IL1R2: variants seen among roughly 807,000 people sequenced by gnomAD.
IL1R2 encodes interleukin-1 receptor type 2.
A neutral mutation model predicts 39.5 loss-of-function variants in IL1R2; 46 were observed. The ratio of observed to expected loss-of-function variants is 1.16; its 90% CI spans 0.92 to 1.49. The LOEUF is 1.49. Ranked by LOEUF, IL1R2 falls within the 40% of genes most tolerant of loss-of-function variation. The pLI, the probability that IL1R2 is intolerant of heterozygous loss-of-function variation, is 0.00. For missense variants in IL1R2, 537 were observed against 502.0 expected (o/e 1.07, Z -0.67); for synonymous variants, 207 against 189.6 (o/e 1.09, Z -0.75).
intron 6 of IL1R2, among the ~76,000 whole-genome samples, chr2:102,023,976 G>C (rs1032724650): frequency 6.6e-6 from 1 of 151,996 alleles, no homozygotes; most frequent in African/African-American, 2.4e-5. Context: ...GTGAACCGGG[G>C]AGGCGGAGCT....
intron 1 of IL1R2, among the ~76,000 whole-genome samples, chr2:102,001,481 C>T (rs898172642): frequency 6.6e-6 from 1 of 152,226 alleles, no homozygotes; most frequent in African/African-American, 2.4e-5. Flanking sequence ...TCCAGGACAT[C>T]GCCAGCTATC....
At chr2:101,992,864 CG>C (rs1675415082) in intron 1 of IL1R2, among the ~76,000 whole-genome samples, 1 of 152,180 alleles carries the variant, frequency 6.6e-6, no homozygotes, top group Non-Finnish European at 1.5e-5. Flanking sequence ...GAACCTGATC[CG>C]GGTGACCTTC....
chr2:102,004,278 G>A (rs561313769), intron 1 of IL1R2, among the ~76,000 whole-genome samples: 2 of 152,184 alleles, frequency 1.3e-5, no homozygotes, highest in Admixed American at 6.5e-5. Context: ...GCAGACACCT[G>A]GGAATCAAAG....
intron 3 of IL1R2, 86 bp downstream of exon 3, chr2:102,009,912 A>G: frequency 6.9e-7 from 1 of 1,454,792 alleles, no homozygotes. Context: ...GGATCTCAGA[A>G]TCCAGTGTAC....
chr2:102,003,743 G>A (rs971860846), intron 1 of IL1R2, among the ~76,000 whole-genome samples: 3 of 145,242 alleles, frequency 2.1e-5, no homozygotes, highest in Non-Finnish European at 4.6e-5. Context: ...GTCCCATGTC[G>A]GTGTCTGTGT....
chr2:102,022,970 A>G (rs939599549), intron 6 of IL1R2, among the ~76,000 whole-genome samples: 1 of 152,188 alleles, frequency 6.6e-6, no homozygotes, highest in Non-Finnish European at 1.5e-5. Context: ...TCCAAAAGGA[A>G]AAAGCCACCC....
At chr2:101,995,590 T>C (rs563602236) in intron 1 of IL1R2, among the ~76,000 whole-genome samples, 1 of 152,330 alleles carries the variant, frequency 6.6e-6, no homozygotes, top group Admixed American at 6.5e-5. Flanking sequence ...GCTGAGTCTG[T>C]GCTGGTGTGT....
chr2:102,001,845 A>G (rs1425941495), intron 1 of IL1R2: 1 of 152,202 alleles, frequency 6.6e-6, no homozygotes, highest in Non-Finnish European at 1.5e-5. Flanking sequence ...GACATGCGTA[A>G]AACATGTTCG....
chr2:101,996,485 GTTTTTTTTT>G (rs11382814), intron 1 of IL1R2, among the ~76,000 whole-genome samples: 66 of 82,420 alleles, frequency 8.0e-4, no homozygotes, highest in Non-Finnish European at 1.2e-3. Flanking sequence ...TGTTTTCAGT[GTTTTTTTTT>G]TTTTTTTTTT....
rs554382459 is a variant in IL1R2 at position 102,026,253 on chromosome 2, G to T, written c.1030G>T (p.Ala344Ser). The change falls in exon 8 of 9, where the codon GCC (alanine) becomes TCC (serine). Residue 344 changes from alanine (A) to serine (S), a missense_variant and splice_region_variant. Transcript: ENST00000332549. ...GACACTACGCACCACAGTCAAGGAA[G>T]GTATGTATGTATTTTGGGGAGCACT... The part of the protein sequence containing the change: ...FQTLRTTVKE[A>S]SSTFSWGIVL... 43 of 1,605,760 alleles carry T rather than the reference G, an allele frequency of 2.7e-5. No individual in the cohort carries two copies. In the East Asian group the frequency reaches 6.3e-4, roughly 23 times the overall value.
intron 3 of IL1R2, among the ~76,000 whole-genome samples, chr2:102,011,966 A>C (rs945677646): frequency 2.6e-5 from 4 of 152,172 alleles, no homozygotes; most frequent in African/African-American, 9.7e-5. Context: ...GCATGTGGAT[A>C]TCCATTTTCT....
chr2:102,011,103 G>A (rs542035603), intron 3 of IL1R2, among the ~76,000 whole-genome samples: 24 of 152,272 alleles, frequency 1.6e-4, no homozygotes, highest in African/African-American at 5.1e-4. Flanking sequence ...TTATTATTCC[G>A]TTTTATGTAT....
In IL1R2 at chr2:102,008,637, A is replaced by C. The variant is rs749799156; in HGVS notation, c.62A>C (p.His21Pro). Residue 21 changes from histidine (H) to proline (P), a missense_variant, in exon 2 of 9, where the codon CAC becomes CCC. His to Pro is a moderately conservative substitution (Grantham distance 77). Transcript: ENST00000332549. The stretch of plus-strand genomic sequence containing the variant: ...GCCTTCACCCTTCAGCCTGCGGCAC[A>C]CACAGGTTAGAAGTAAACCTTTCAG... ...VSAFTLQPAAHTGAARSCRFR... is the reference protein window; with the variant it reads ...VSAFTLQPAAPTGAARSCRFR... 3 of 1,613,708 alleles carry C rather than the reference A, an allele frequency of 1.9e-6. No homozygotes were observed. The highest frequency in any genetic ancestry group is 1.3e-5 in the African/African-American group (1 of 74,900).
rs148749270 is a variant in IL1R2, at chr2:102,019,888, T to A, written c.688+76T>A. ...TGCAGAGAACAAATGACGGTGCACG[T>A]AGAATTCCTTGCAGGTCTTTGGAAT... On this transcript the variant is annotated intron_variant, in intron 5 of 8. Coordinates refer to ENST00000332549, the MANE Select transcript of IL1R2 (RefSeq NM_004633.4). 4.0e-6 allele frequency: 5 copies of A among 1,250,254 alleles called. No individual in the cohort carries two copies. In the Admixed American group the frequency reaches 6.8e-5, roughly 17 times the overall value. 77.4% of individuals were successfully genotyped at this position (1,250,254 alleles called of 1,614,324 possible).
intron 1 of IL1R2, among the ~76,000 whole-genome samples, chr2:101,996,978 AT>A (rs1421465752): frequency 2.6e-5 from 4 of 151,794 alleles, no homozygotes; most frequent in African/African-American, 9.7e-5. Flanking sequence ...TCTTGCTTTC[AT>A]TTTGTTTCTT....
At position 102,009,685 on chromosome 2, in the gene IL1R2, G is replaced by A. The variant is rs753245222; in HGVS notation, c.191G>A (p.Arg64His). The change falls in exon 3 of 9, where the codon CGC becomes CAC. Residue 64 changes from arginine (R) to histidine (H), a missense_variant. Arg to His is a conservative substitution (Grantham distance 29). Coordinates refer to ENST00000332549, the MANE Select transcript of IL1R2 (RefSeq NM_004633.4). ...PYWLWASVSP[R>H]INLTWHKNDS... ...TGGTTGTGGGCCTCTGTCAGCCCCC[G>A]CATCAACCTGACATGGCATAAAAAT... 8.1e-6 allele frequency: 13 copies of A among 1,614,062 alleles called. No individual in the cohort carries two copies. Among genetic ancestry groups the A allele is most frequent in the African/African-American group, 5.3e-5 (4 of 74,918 alleles).
At chr2:102,021,167 C>G (rs990691311) in intron 5 of IL1R2, among the ~76,000 whole-genome samples, 1 of 152,138 alleles carries the variant, frequency 6.6e-6, no homozygotes, top group Non-Finnish European at 1.5e-5. Flanking sequence ...CTAATGTGTA[C>G]TCATGTCAGG....
At chr2:102,015,613 G>T (rs1676944923) in intron 3 of IL1R2, among the ~76,000 whole-genome samples, 1 of 152,162 alleles carries the variant, frequency 6.6e-6, no homozygotes, top group Non-Finnish European at 1.5e-5. Context: ...AACGTATTTT[G>T]TAATAAAGCG....
At chr2:102,010,146 G>A (rs532150036) in intron 3 of IL1R2, 18 of 346,902 alleles carry the variant, frequency 5.2e-5, no homozygotes, top group Non-Finnish European at 7.5e-5. Flanking sequence ...ATTTGTGTGC[G>A]CTACTGTATT....
Sources: gnomAD v4.1 joint callset for allele counts (sites outside exome capture counted in the v4.1 genomes callset) on GRCh38, gnomAD v4.1.1 for gene constraint, MANE v1.5 for transcripts, NCBI Gene and HGNC (gene_info 2026-07-23, HGNC 2026-07-21) for gene names.